SMYD5: variants seen among roughly 807,000 people sequenced by gnomAD.
SMYD5 encodes protein-lysine N-trimethyltransferase SMYD5.
A neutral mutation model predicts 57.4 loss-of-function variants in SMYD5; 35 were observed. That is an observed-to-expected ratio of 0.61 (90% CI 0.47 to 0.81). The LOEUF (loss-of-function observed/expected upper bound fraction) is 0.81. SMYD5 is among the 30% of genes least tolerant of loss of function. SMYD5 has a pLI of 0.00. For missense variants in SMYD5, 471 were observed against 527.9 expected, an observed-to-expected ratio of 0.89 and a Z score of 1.06; for synonymous variants, 198 against 189.7, an observed-to-expected ratio of 1.04 and a Z score of -0.36.
At position 73,222,564 on chromosome 2, in the gene SMYD5, G is replaced by A. The variant is rs188603519; in HGVS notation, c.643-191G>A. 6.6e-5 allele frequency among the ~76,000 whole-genome samples: 10 copies of A among 152,334 alleles called. No homozygotes were observed. In the South Asian group the frequency reaches 1.0e-3, roughly 16 times the overall value. On this transcript the variant is annotated intron_variant, in intron 6 of 12. Coordinates refer to ENST00000389501, the MANE Select transcript of SMYD5 (RefSeq NM_006062.3). ...GAGAGAAATTTGGGTTTGCCACCCCGGGTTGGAACAGGCCGGCAGACTGCC... is the reference window on the plus strand; with the variant it reads ...GAGAGAAATTTGGGTTTGCCACCCCAGGTTGGAACAGGCCGGCAGACTGCC...
chr2:73,223,981 CCT>C lies in SMYD5; in HGVS notation c.921_922del (p.Phe308CysfsTer34). 6.2e-7 allele frequency: 1 copy of C among 1,614,114 alleles called. No homozygotes were observed. The highest frequency in any genetic ancestry group is 1.3e-5 in the African/African-American group (1 of 75,028). On this transcript the variant is annotated frameshift_variant, in exon 10 of 13. Coordinates refer to ENST00000389501, the MANE Select transcript of SMYD5 (RefSeq NM_006062.3). LOFTEE classifies it high-confidence loss of function. Reference protein sequence around the residue: ...GEFLNCEGSGLFVLQSCCNHS... With the variant: ...GEFLNCEGSGXFVLQSCCNHS... Reference sequence around the variant, plus strand: ...AGTTTCTTAACTGTGAAGGATCTGGCCTCTTTGTGCTTCAGAGCTGCTGTGAG... The same window carrying C: ...AGTTTCTTAACTGTGAAGGATCTGGCCTTTGTGCTTCAGAGCTGCTGTGAG...
Position 73,223,026 on chromosome 2 carries a change from C to A in SMYD5, c.706-10C>A. On this transcript the variant is annotated splice_polypyrimidine_tract_variant and intron_variant, in intron 7 of 12. Transcript: ENST00000389501. ...TGTAATGAGCACTCATCTCTTTTTTCCCCCCACAGTGGTTCACTCCAGATG... is the reference window on the plus strand; with the variant it reads ...TGTAATGAGCACTCATCTCTTTTTTACCCCCACAGTGGTTCACTCCAGATG... 1 of 1,611,242 alleles carries A rather than the reference C, an allele frequency of 6.2e-7. No homozygotes were observed.
In SMYD5 at chr2:73,222,782, T is replaced by A; in HGVS notation, c.670T>A (p.Phe224Ile). ...KGQLELLRRLFTEALYEEAVS... is the reference protein window; with the variant it reads ...KGQLELLRRLITEALYEEAVS... ...CCAACTGGAACTTCTGCGGAGACTC[T>A]TCACAGAGGCCCTCTATGAGGAAGC... Residue 224 changes from phenylalanine to isoleucine, a missense_variant, in exon 7 of 13, where the codon TTC becomes ATC. Phe to Ile is a conservative substitution (Grantham distance 21, BLOSUM62 0). Coordinates refer to ENST00000389501, the MANE Select transcript of SMYD5 (RefSeq NM_006062.3). 1.2e-6 allele frequency: 2 copies of A among 1,613,588 alleles called. No individual in the cohort carries two copies. Among genetic ancestry groups the A allele is most frequent in the Non-Finnish European group, 1.7e-6 (2 of 1,179,790 alleles).
chr2:73,216,954 CCTT>C, intron 1 of SMYD5, among the ~76,000 whole-genome samples: 1 of 139,720 alleles, frequency 7.2e-6, no homozygotes, highest in South Asian at 2.2e-4. Flanking sequence ...TGCTCTCCAA[CCTT>C]CTTTTTTTTT....
rs147223136 is a variant in SMYD5, at chr2:73,221,921, C to T, written c.633C>T (p.Asp211=). ...AAATTGTCCATAAACTTCTGGGAGA[C>T]AAATTCAAGGTTATTATTCTCCCGT... The part of the protein sequence containing the change: ...EEEIVHKLLG[D]KFKGQLELLR... Residue 211 remains aspartate, a synonymous_variant, in exon 6 of 13, where the codon GAC becomes GAT. Coordinates refer to ENST00000389501, the MANE Select transcript of SMYD5 (RefSeq NM_006062.3). The T allele has an allele frequency of 2.7e-5, 44 of 1,600,894 alleles. No individual in the cohort carries two copies. In the Admixed American group the frequency reaches 3.5e-4, roughly 13 times the overall value.
At position 73,220,169 on chromosome 2, in the gene SMYD5, C is replaced by T. The variant is rs1431899466; in HGVS notation, c.324C>T (p.His108=). 6.2e-7 allele frequency: 1 copy of T among 1,614,146 alleles called. No individual in the cohort carries two copies. The highest frequency in any genetic ancestry group is 2.2e-5 in the East Asian group (1 of 44,886). The change falls in exon 3 of 13, where the codon CAC becomes CAT. Residue 108 remains histidine (H), a synonymous_variant. Transcript: ENST00000389501. The part of the protein sequence containing the change: ...PELCTVRKDL[H]QNCPHCQVMY... The stretch of plus-strand genomic sequence containing the variant: ...TGTGCACTGTGCGCAAAGACCTCCA[C>T]CAGAACTGTCCCCATTGCCAAGTGA...
At chr2:73,224,253 C>A (rs563212131) in intron 10 of SMYD5, among the ~76,000 whole-genome samples, 35 of 152,136 alleles carry the variant, frequency 2.3e-4, no homozygotes, top group Non-Finnish European at 4.4e-4. Flanking sequence ...TAGGCCAGGC[C>A]CTGTACTAAG....
intron 1 of SMYD5, 199 bp downstream of exon 1, chr2:73,214,561 C>T (rs1163247102): frequency 2.0e-6 from 3 of 1,488,318 alleles, no homozygotes; most frequent in East Asian, 5.0e-5. Flanking sequence ...CCCGGGCCTC[C>T]GGAGTCTCCG....
chr2:73,220,283 T>C, intron 3 of SMYD5, 93 bp downstream of exon 3: 1 of 1,389,598 alleles, frequency 7.2e-7, no homozygotes, highest in Non-Finnish European at 1.0e-6. Flanking sequence ...GCGACAGACC[T>C]GGTCATGGCC....
chr2:73,216,958 C>T (rs1019179437), intron 1 of SMYD5, among the ~76,000 whole-genome samples: 1 of 146,596 alleles, frequency 6.8e-6, no homozygotes, highest in Non-Finnish European at 1.5e-5. Context: ...CTCCAACCTT[C>T]TTTTTTTTTT....
intron 6 of SMYD5, among the ~76,000 whole-genome samples, chr2:73,222,292 C>A (rs1413845387): frequency 1.3e-5 from 2 of 152,224 alleles, no homozygotes; most frequent in African/African-American, 4.8e-5. Context: ...CCTGAGAACC[C>A]GTTCCCAATC....
intron 3 of SMYD5, 131 bp downstream of exon 3, chr2:73,220,321 G>T: frequency 9.9e-7 from 1 of 1,014,818 alleles, no homozygotes; most frequent in Non-Finnish European, 1.4e-6. Flanking sequence ...AGGATAAGAT[G>T]TTGAAAAGGC....
intron 8 of SMYD5, 94 bp from the exon 9 acceptor site, chr2:73,223,332 G>A (rs1036519891): frequency 1.1e-6 from 1 of 912,614 alleles, no homozygotes; most frequent in Non-Finnish European, 1.8e-6. Flanking sequence ...GGGGATGGGA[G>A]ACCCTTCTTC....
intron 11 of SMYD5, 37 bp from the exon 12 acceptor site, chr2:73,225,593 GA>G: frequency 1.3e-6 from 2 of 1,592,916 alleles, no homozygotes; most frequent in South Asian, 2.2e-5. Flanking sequence ...CCATTTAAAA[GA>G]GCACAGACCA....
chr2:73,218,860 G>A lies in SMYD5; in HGVS notation c.97-1G>A, dbSNP rs1307205822. On this transcript the variant is annotated splice_acceptor_variant, in intron 1 of 12. Coordinates refer to ENST00000389501, the MANE Select transcript of SMYD5 (RefSeq NM_006062.3). LOFTEE classifies it high-confidence loss of function. ...GCCATCCTATCCCTCTGCCCTCTCA[G>A]GGAAAGGGGCTGTTTGCCACACAGC... The A allele has an allele frequency of 6.2e-7, 1 of 1,611,308 alleles. No homozygotes were observed. Among genetic ancestry groups the A allele is most frequent in the Non-Finnish European group, 8.5e-7 (1 of 1,177,570 alleles).
At chr2:73,214,759 T>C (rs1686262378) in intron 1 of SMYD5, 11 of 1,318,816 alleles carry the variant, frequency 8.3e-6, no homozygotes, top group Non-Finnish European at 1.0e-5. Flanking sequence ...GGTGAGGGGA[T>C]GAGGAGAGAG....
rs746354027 is a variant in SMYD5 at position 73,214,329 on chromosome 2, C to T, written c.63C>T (p.Val21=). 12 of 1,613,396 alleles carry T rather than the reference C, an allele frequency of 7.4e-6. No homozygotes were observed. In the East Asian group the frequency reaches 2.7e-4, roughly 36 times the overall value. Residue 21 remains valine, a synonymous_variant, in exon 1 of 13, where the codon GTC becomes GTT. Transcript: ENST00000389501. ...FCVGVAGRAR[V]SVEVRFVSSA... ...TGGGCGTGGCGGGCCGCGCGCGGGT[C>T]TCCGTGGAAGTCCGTTTCGTGAGCA...
At chr2:73,225,141 C>T in intron 11 of SMYD5, 181 bp downstream of exon 11, 3 of 564,324 alleles carry the variant, frequency 5.3e-6, no homozygotes, top group Non-Finnish European at 3.1e-6. Flanking sequence ...CTCGCTTTTT[C>T]AAAATATGAC....
chr2:73,220,124 G>T lies in SMYD5; in HGVS notation c.279G>T (p.Gln93His). The change falls in exon 3 of 13, where the codon CAG becomes CAT. Residue 93 changes from glutamine (Q) to histidine (H), a missense_variant. Physicochemically the swap from Gln to His is conservative, Grantham distance 24 (BLOSUM62 0). Transcript: ENST00000389501. ...NAQRLTGKPG[Q>H]VLPHPELCTV... ...AGAGGCTGACCGGGAAACCAGGCCA[G>T]GTTCTGCCTCACCCAGAGCTGTGCA... The T allele has an allele frequency of 1.2e-6, 2 of 1,614,214 alleles. No individual in the cohort carries two copies.
Sources: gnomAD v4.1 joint callset for allele counts (sites outside exome capture counted in the v4.1 genomes callset) on GRCh38, gnomAD v4.1.1 for gene constraint, MANE v1.5 for transcripts, NCBI Gene and HGNC (gene_info 2026-07-23, HGNC 2026-07-21) for gene names.